The following GRIK4 variants were observed in gnomAD, a reference collection of about 807,000 sequenced individuals.
GRIK4 encodes the protein glutamate receptor ionotropic, kainate 4.
A neutral mutation model predicts 104.9 loss-of-function variants in GRIK4; 40 were observed. That is an observed-to-expected ratio of 0.38 (90% CI 0.30 to 0.50). The LOEUF (loss-of-function observed/expected upper bound fraction) is 0.50, where lower values mean the gene tolerates loss of function less well. Among genes scored for constraint, GRIK4 ranks in the 20% least tolerant of loss-of-function variants. The probability of loss-of-function intolerance (pLI) is 0.93; values close to 1 mark genes in which losing one functional copy is unlikely to be tolerated. For synonymous variants in GRIK4, 485 were observed against 524.9 expected (o/e 0.92, Z 1.04); for missense variants, 1,047 against 1,308.1 (o/e 0.80, Z 3.08).
rs538512109 is a variant in GRIK4 at position 120,779,309 on chromosome 11, G to A, written c.83-23384G>A. The stretch of plus-strand genomic sequence containing the variant: ...TCCTTACCCTGAGAGGCCAAGCAGA[G>A]TGAGCCGGTCAGGAGCTGGAGAAAG... On this transcript the variant is annotated intron_variant, in intron 3 of 20. Coordinates refer to ENST00000527524, the MANE Select transcript of GRIK4 (RefSeq NM_014619.5). Among the ~76,000 whole-genome samples the A allele has an allele frequency of 1.1e-4, 17 of 152,268 alleles. 1 individual carries two copies. The highest frequency in any genetic ancestry group is 3.6e-4 in the African/African-American group (15 of 41,536).
At chr11:120,699,921 G>A (rs1489945918) in intron 3 of GRIK4, among the ~76,000 whole-genome samples, 1 of 152,212 alleles carries the variant, frequency 6.6e-6, no homozygotes, top group Non-Finnish European at 1.5e-5. Flanking sequence ...TAGGTGTGAA[G>A]GTCAAACCAC....
In GRIK4 at chr11:120,540,154, C is replaced by T. The variant is rs115521442; in HGVS notation, c.-159+28267C>T. On this transcript the variant is annotated intron_variant, in intron 1 of 20. Transcript: ENST00000527524. ...CATAGAAAGGCTTCACAGTCCTGGG[C>T]AAGCAGCCAGGTAAGAGGAGGGCAG... Among the ~76,000 whole-genome samples the T allele has an allele frequency of 7.7e-3, 1,165 of 152,246 alleles. 14 individuals carry two copies. The highest frequency in any genetic ancestry group is 0.026 in the African/African-American group (1,093 of 41,538).
intron 3 of GRIK4, among the ~76,000 whole-genome samples, chr11:120,756,957 G>A (rs969400270): frequency 6.6e-6 from 1 of 152,232 alleles, no homozygotes; most frequent in African/African-American, 2.4e-5. Flanking sequence ...GGTCAGTGGA[G>A]CTGATTTTTC....
At chr11:120,709,887 ACTGTT>A (rs1167766360) in intron 3 of GRIK4, among the ~76,000 whole-genome samples, 3 of 152,198 alleles carry the variant, frequency 2.0e-5, no homozygotes, top group African/African-American at 7.2e-5. Flanking sequence ...CTCAGAGTGT[ACTGTT>A]CTGTCTGTAT....
intron 1 of GRIK4, among the ~76,000 whole-genome samples, chr11:120,595,297 T>A (rs928030065): frequency 6.6e-6 from 1 of 152,260 alleles, no homozygotes; most frequent in Non-Finnish European, 1.5e-5. Flanking sequence ...AGTTTCAGAT[T>A]GTTTTCACAT....
chr11:120,734,490 GA>G, intron 3 of GRIK4, among the ~76,000 whole-genome samples: 1 of 152,068 alleles, frequency 6.6e-6, no homozygotes, highest in East Asian at 1.9e-4. Context: ...TGACTTTTGG[GA>G]GTTTGATTAC....
At chr11:120,675,087 A>G (rs148271107) in intron 3 of GRIK4, among the ~76,000 whole-genome samples, 1 of 152,402 alleles carries the variant, frequency 6.6e-6, no homozygotes, top group East Asian at 1.9e-4. Flanking sequence ...TAAGTTTGCT[A>G]AATGGAAATA....
rs977176706 is a variant in GRIK4, at chr11:120,684,986, C to T, written c.82+24586C>T. Among the ~76,000 whole-genome samples the T allele has an allele frequency of 2.6e-5, 4 of 152,184 alleles. No homozygotes were observed. The East Asian group carries it at 7.9e-4, about 30-fold the overall frequency. On this transcript the variant is annotated intron_variant, in intron 3 of 20. Coordinates refer to ENST00000527524, the MANE Select transcript of GRIK4 (RefSeq NM_014619.5). Reference sequence around the variant, plus strand: ...TGCTGGGATTACAGGCATGAGCCACCACACCTGGCCATAAAGGTGCTTTTT... The same window carrying T: ...TGCTGGGATTACAGGCATGAGCCACTACACCTGGCCATAAAGGTGCTTTTT...
rs528285175 is a variant in GRIK4 at position 120,682,607 on chromosome 11, T to TTC, written c.82+22207_82+22208insTC. On this transcript the variant is annotated intron_variant, in intron 3 of 20. Transcript: ENST00000527524. ...TGCCCCCATCTTTTTTTTTTTTTTT[T>TTC]CCCATCTGGCCAACTCCTATTTATC... Among the ~76,000 whole-genome samples the TTC allele has an allele frequency of 2.4e-3, 339 of 138,906 alleles. 8 individuals are homozygous for TTC. The South Asian group carries it at 0.046, about 19-fold the overall frequency. The allele number at this position is 138,906 out of a possible 152,430, so 91.1% of individuals were successfully genotyped here. A position where few individuals can be genotyped will look rare whatever the true frequency, so the allele number is the denominator to read the frequency against.
intron 1 of GRIK4, among the ~76,000 whole-genome samples, chr11:120,577,315 C>T (rs980604570): frequency 6.6e-6 from 1 of 151,886 alleles, no homozygotes; most frequent in Non-Finnish European, 1.5e-5. Context: ...GGTGAGTGGA[C>T]TGTGGCCTGA....
intron 1 of GRIK4, among the ~76,000 whole-genome samples, chr11:120,544,731 A>G (rs1948069054): frequency 6.6e-6 from 1 of 152,182 alleles, no homozygotes; most frequent in African/African-American, 2.4e-5. Context: ...GGACATGGAA[A>G]GGAGGTGTCT....
chr11:120,831,234 G>C (rs188352876), intron 6 of GRIK4, among the ~76,000 whole-genome samples: 1 of 152,298 alleles, frequency 6.6e-6, no homozygotes, highest in African/African-American at 2.4e-5. Context: ...TGGGCCTTGG[G>C]ATCTTAAGGG....
Position 120,957,083 on chromosome 11 carries a change from G to A in GRIK4, c.1874+130G>A, listed in dbSNP as rs372827951. The A allele has an allele frequency of 1.9e-4, 144 of 763,886 alleles. No individual in the cohort carries two copies. The African/African-American group carries it at 2.1e-3, about 11-fold the overall frequency. 47.3% of individuals were successfully genotyped at this position (763,886 alleles called of 1,614,324 possible). On this transcript the variant is annotated intron_variant, in intron 16 of 20. Transcript: ENST00000527524. ...TTACAGCAGACCCACGCAGGAAGCC[G>A]AGTGCTTTCTGCCAGCTCAGAAGCT...
intron 1 of GRIK4, among the ~76,000 whole-genome samples, chr11:120,623,327 C>G (rs1330943849): frequency 1.3e-4 from 20 of 151,912 alleles, no homozygotes; most frequent in Admixed American, 1.2e-3. Flanking sequence ...AGTATGGGGT[C>G]TTGTTATGTT....
chr11:120,561,806 T>G (rs1334402615), intron 1 of GRIK4, among the ~76,000 whole-genome samples: 1 of 152,246 alleles, frequency 6.6e-6, no homozygotes, highest in Non-Finnish European at 1.5e-5. Flanking sequence ...CTTAGCTGTT[T>G]CTTTTTCCTG....
rs1019288879 is a variant in GRIK4 at position 120,953,469 on chromosome 11, G to A, written c.1700+505G>A. Reference sequence around the variant, plus strand: ...GCAGGCCAGGGAGAAGGCTTTCTCTGCAGACAGCCTGGGCCTGCCTCTGAA... The same window carrying A: ...GCAGGCCAGGGAGAAGGCTTTCTCTACAGACAGCCTGGGCCTGCCTCTGAA... On this transcript the variant is annotated intron_variant, in intron 15 of 20. Transcript: ENST00000527524. The surrounding 1 kb of genome is among the most constrained non-coding windows in gnomAD (Gnocchi z 4.9). Among the ~76,000 whole-genome samples the A allele has an allele frequency of 1.3e-5, 2 of 152,230 alleles. No homozygotes were observed. The highest frequency in any genetic ancestry group is 2.9e-5 in the Non-Finnish European group (2 of 68,038).
In GRIK4 at chr11:120,549,280, T is replaced by A. The variant is rs1206426607; in HGVS notation, c.-159+37393T>A. On this transcript the variant is annotated intron_variant, in intron 1 of 20. Transcript: ENST00000527524. The surrounding 1 kb of genome is among the most constrained non-coding windows in gnomAD (Gnocchi z 4.7). The stretch of plus-strand genomic sequence containing the variant: ...CACCTGGCTAATTTTTGTATATATT[T>A]TTTTTTAAGTAAAGTCGGGCTTTCA... Among the ~76,000 whole-genome samples the A allele has an allele frequency of 6.6e-6, 1 of 152,124 alleles. No homozygotes were observed. Among genetic ancestry groups the A allele is most frequent in the African/African-American group, 2.4e-5 (1 of 41,432 alleles).
rs142358031 is a variant in GRIK4 at position 120,683,663 on chromosome 11, G to A, written c.82+23263G>A. 7.4e-3 allele frequency among the ~76,000 whole-genome samples: 1,134 copies of A among 152,270 alleles called. 9 individuals are homozygous for A. The highest frequency in any genetic ancestry group is 0.012 in the South Asian group (58 of 4,818). Reference sequence around the variant, plus strand: ...CCTAAATATTTGCTCAAAAAAGAAAGATTTGCAAAATAGACATTGTCTAGT... The same window carrying A: ...CCTAAATATTTGCTCAAAAAAGAAAAATTTGCAAAATAGACATTGTCTAGT... On this transcript the variant is annotated intron_variant, in intron 3 of 20. Transcript: ENST00000527524.
intron 1 of GRIK4, chr11:120,514,933 G>T: frequency 2.2e-6 from 1 of 456,024 alleles, no homozygotes; most frequent in South Asian, 1.6e-5. Context: ...TCCTTGTTGG[G>T]CCTCCAGCCT....
Sources: allele counts gnomAD v4.1 joint callset (sites outside exome capture counted in the v4.1 genomes callset), GRCh38; gene constraint gnomAD v4.1.1; non-coding constraint Gnocchi (gnomAD v3.1); transcripts MANE v1.5; gene names NCBI Gene and HGNC (gene_info 2026-07-23, HGNC 2026-07-21).